NOCT: variants seen among roughly 807,000 people sequenced by gnomAD.
NOCT encodes the protein nocturnin, also known as CCR4 carbon catabolite repression 4-like.
Under a neutral mutation model 35.0 loss-of-function variants are expected in NOCT, and 18 were observed. The ratio of observed to expected loss-of-function variants is 0.51; its 90% CI spans 0.36 to 0.76. NOCT has a LOEUF of 0.76. NOCT is among the 30% of genes least tolerant of loss of function. The pLI, the probability that NOCT is intolerant of heterozygous loss-of-function variation, is 0.01. For missense variants in NOCT, 479 were observed against 541.0 expected, an observed-to-expected ratio of 0.89 and a Z score of 1.14; for synonymous variants, 235 against 226.3, an observed-to-expected ratio of 1.04 and a Z score of -0.34.
chr4:139,032,255 G>A (rs1186270155), intron 1 of NOCT, among the ~76,000 whole-genome samples: 2 of 170 alleles, frequency 0.012, no homozygotes, highest in Non-Finnish European at 0.062. Context: ...GAATTAGTCA[G>A]TGGCAGGGGG....
chr4:139,020,783 T>A (rs1414084666), intron 1 of NOCT, among the ~76,000 whole-genome samples: 1 of 152,042 alleles, frequency 6.6e-6, no homozygotes, highest in East Asian at 1.9e-4. Context: ...ACCTTTGGTC[T>A]GGCCGGGCAC....
rs867752609 is a variant in NOCT, at chr4:139,015,886, C to G, written c.-96C>G. 7.9e-6 allele frequency: 8 copies of G among 1,016,092 alleles called. No individual in the cohort carries two copies. The Middle Eastern group carries it at 1.1e-3, about 138-fold the overall frequency. 62.9% of individuals were successfully genotyped at this position (1,016,092 alleles called of 1,614,324 possible). On this transcript the variant is annotated 5_prime_UTR_variant, in exon 1 of 3. Transcript: ENST00000280614. The stretch of plus-strand genomic sequence containing the variant: ...GAAGGAGCCTGGGAGCATCCGCCCA[C>G]ACTGCCCGGACAGTCGGCTCGACTC...
At chr4:139,028,902 C>A (rs569798757) in intron 1 of NOCT, among the ~76,000 whole-genome samples, 32 of 152,198 alleles carry the variant, frequency 2.1e-4, no homozygotes, top group African/African-American at 7.0e-4. Flanking sequence ...AGTGCAGTGG[C>A]GTGATCTCGG....
intron 1 of NOCT, among the ~76,000 whole-genome samples, chr4:139,019,822 G>A (rs1726376902): frequency 6.6e-6 from 1 of 152,192 alleles, no homozygotes; most frequent in Admixed American, 6.5e-5. Context: ...AAACGCAGTT[G>A]GAAGTCATCT....
At chr4:139,040,863 T>G (rs1560734190) in intron 1 of NOCT, among the ~76,000 whole-genome samples, 1 of 152,174 alleles carries the variant, frequency 6.6e-6, no homozygotes. Context: ...ACTTGGATGT[T>G]TGGCTGTTTT....
chr4:139,040,899 C>T (rs1047052326), intron 1 of NOCT, among the ~76,000 whole-genome samples: 2 of 149,756 alleles, frequency 1.3e-5, no homozygotes, highest in African/African-American at 4.9e-5. Context: ...AAAAAACCTA[C>T]AGGAAGTAAA....
At chr4:139,036,315 A>AAT (rs1726738183) in intron 1 of NOCT, among the ~76,000 whole-genome samples, 1 of 152,092 alleles carries the variant, frequency 6.6e-6, no homozygotes, top group African/African-American at 2.4e-5. Flanking sequence ...GGCTGGCCTC[A>AAT]AACTCCTGGC....
rs113895475 is a variant in NOCT at position 139,025,803 on chromosome 4, CAAAA to C, written c.190+9645_190+9648del. ...TAGGCAACAGAGCGAGACTCCGTCT[CAAAA>C]AAAAAAAAAAAATTTAAATATAGGC... On this transcript the variant is annotated intron_variant, in intron 1 of 2. Coordinates refer to ENST00000280614, the MANE Select transcript of NOCT (RefSeq NM_012118.4). Among the ~76,000 whole-genome samples, 167 of 129,114 alleles carry C rather than the reference CAAAA, an allele frequency of 1.3e-3. 1 individual carries two copies. The highest frequency in any genetic ancestry group is 6.7e-3 in the Admixed American group (81 of 12,092). 84.7% of individuals were successfully genotyped at this position (129,114 alleles called of 152,430 possible).
Position 139,045,830 on chromosome 4 carries a change from G to A in NOCT, c.*356G>A, listed in dbSNP as rs1483142769. On this transcript the variant is annotated 3_prime_UTR_variant, in exon 3 of 3. Coordinates refer to ENST00000280614, the MANE Select transcript of NOCT (RefSeq NM_012118.4). ...ATGCCAGAGGAAGGATAGAAACATG[G>A]GAAGTTTCTATCATTTCATTTTCTG... 1 of 164,846 alleles carries A rather than the reference G, an allele frequency of 6.1e-6. No individual in the cohort carries two copies. Among genetic ancestry groups the A allele is most frequent in the Non-Finnish European group, 1.3e-5 (1 of 76,578 alleles). 10.2% of individuals were successfully genotyped at this position (164,846 alleles called of 1,614,324 possible).
At chr4:139,038,623 C>T (rs376252189) in intron 1 of NOCT, among the ~76,000 whole-genome samples, 1 of 152,156 alleles carries the variant, frequency 6.6e-6, no homozygotes, top group Non-Finnish European at 1.5e-5. Context: ...AGTACCACCA[C>T]TACTAATTAT....
rs573360462 is a variant in NOCT, at chr4:139,033,029, C to T, written c.191-10045C>T. On this transcript the variant is annotated intron_variant, in intron 1 of 2. Coordinates refer to ENST00000280614, the MANE Select transcript of NOCT (RefSeq NM_012118.4). ...GCAGTGAGCCAACATCGCGCCACTG[C>T]ACTCCAGGCTGAGGAACAGAGCGAG... is the stretch of plus-strand genomic sequence containing the variant. Among the ~76,000 whole-genome samples, 188 of 151,716 alleles carry T rather than the reference C, an allele frequency of 1.2e-3. 1 individual carries two copies. Among genetic ancestry groups the T allele is most frequent in the African/African-American group, 4.4e-3 (181 of 41,344 alleles).
chr4:139,045,067 C>T lies in NOCT; in HGVS notation c.889C>T (p.Arg297Ter), dbSNP rs769256787. 6.2e-6 allele frequency: 10 copies of T among 1,614,080 alleles called. No homozygotes were observed. The highest frequency in any genetic ancestry group is 2.2e-5 in the East Asian group (1 of 44,904). ...AGCACGCACTGGCTGGGAGCGGTTT[C>T]GATCAGCTCAAGGCTGTGACCTCCT... is the stretch of plus-strand genomic sequence containing the variant. Reference protein sequence around the residue: ...LKARTGWERFRSAQGCDLLQN... With the variant: ...LKARTGWERF The change falls in exon 3 of 3, where the codon CGA becomes TGA. Residue 297 changes from arginine to a stop codon, truncating the protein, a stop_gained. Transcript: ENST00000280614. LOFTEE classifies it high-confidence loss of function.
In NOCT at chr4:139,016,021, C is replaced by T. The variant is rs1246573026; in HGVS notation, c.40C>T (p.Gln14Ter). 7.2e-7 allele frequency: 1 copy of T among 1,397,966 alleles called. No homozygotes were observed. The highest frequency in any genetic ancestry group is 2.6e-4 in the Middle Eastern group (1 of 3,858). The allele number at this position is 1,397,966 out of a possible 1,614,324, so 86.6% of individuals were successfully genotyped here. Residue 14 changes from glutamine (Q) to a stop codon, truncating the protein, a stop_gained, in exon 1 of 3, where the codon CAG becomes TAG. Coordinates refer to ENST00000280614, the MANE Select transcript of NOCT (RefSeq NM_012118.4). LOFTEE classifies it high-confidence loss of function. ...GCGGCGGCTCTGCTCGGCCCTGCTGCAGAGGGACGCGCCCGGCCTGCGCCG... is the reference window on the plus strand; with the variant it reads ...GCGGCGGCTCTGCTCGGCCCTGCTGTAGAGGGACGCGCCCGGCCTGCGCCG... ...SPRRLCSALLQRDAPGLRRLP... is the reference protein window; with the variant it reads ...SPRRLCSALL
At chr4:139,042,916 A>G in intron 1 of NOCT, among the ~76,000 whole-genome samples, 158 bp from the exon 2 acceptor site, 1 of 145,596 alleles carries the variant, frequency 6.9e-6, no homozygotes, top group East Asian at 2.0e-4. Flanking sequence ...CTCCATCTCA[A>G]AAAAAAAAAA....
chr4:139,042,988 G>C (rs1444487525), intron 1 of NOCT, 86 bp from the exon 2 acceptor site: 1 of 1,241,488 alleles, frequency 8.1e-7, no homozygotes, highest in Non-Finnish European at 1.1e-6. Flanking sequence ...GGTTTCGGTG[G>C]ACAGTAAATG....
intron 1 of NOCT, among the ~76,000 whole-genome samples, chr4:139,035,121 CTG>C (rs932912761): frequency 6.6e-6 from 1 of 151,938 alleles, no homozygotes; most frequent in African/African-American, 2.4e-5. Flanking sequence ...CAGCTGGAAA[CTG>C]TGGACATTTT....
At chr4:139,034,185 T>C (rs1455410005) in intron 1 of NOCT, among the ~76,000 whole-genome samples, 1 of 152,146 alleles carries the variant, frequency 6.6e-6, no homozygotes, top group Non-Finnish European at 1.5e-5. Context: ...CTCGCCCTTT[T>C]ATAAGGAACC....
chr4:139,023,937 A>G (rs1726467290), intron 1 of NOCT, among the ~76,000 whole-genome samples: 1 of 152,136 alleles, frequency 6.6e-6, no homozygotes, highest in South Asian at 2.1e-4. Flanking sequence ...ATGCCTTAGC[A>G]CATTAAAAGT....
chr4:139,020,543 G>A (rs901924168), intron 1 of NOCT, among the ~76,000 whole-genome samples: 2 of 152,182 alleles, frequency 1.3e-5, no homozygotes, highest in Admixed American at 1.3e-4. Flanking sequence ...AAGGGGTAGA[G>A]GCAGAATCAT....
Sources: allele counts gnomAD v4.1 joint callset (sites outside exome capture counted in the v4.1 genomes callset), GRCh38; gene constraint gnomAD v4.1.1; transcripts MANE v1.5; gene names NCBI Gene and HGNC (gene_info 2026-07-23, HGNC 2026-07-21).